The following KIR3DL3 variants were observed in gnomAD, a reference collection of about 807,000 sequenced individuals.
The protein encoded by KIR3DL3 is killer cell immunoglobulin-like receptor 3DL3.
A neutral mutation model predicts 34.9 loss-of-function variants in KIR3DL3; 27 were observed. That is an observed-to-expected ratio of 0.77 (90% CI 0.57 to 1.07). KIR3DL3 has a LOEUF of 1.07. Among genes scored for constraint, KIR3DL3 ranks in the 50% least tolerant of loss-of-function variants. The pLI is 0.00. For synonymous variants in KIR3DL3, 217 were observed against 200.2 expected (o/e 1.08, Z -0.71); for missense variants, 681 against 528.5 (o/e 1.29, Z -2.83).
intron 3 of KIR3DL3, among the ~76,000 whole-genome samples, chr19:54,726,680 A>G (rs1313173405): frequency 6.8e-6 from 1 of 146,306 alleles, no homozygotes; most frequent in Non-Finnish European, 1.5e-5. Context: ...AGGAGGAGGA[A>G]GAGGAAAGTG....
chr19:54,727,931 C>T (rs755151852), intron 4 of KIR3DL3, 21 bp downstream of exon 4: 734 of 1,586,028 alleles, frequency 4.6e-4, no homozygotes, highest in Non-Finnish European at 5.7e-4. Context: ...ACAGACCTGC[C>T]TCTCACCCTT....
At chr19:54,729,124 T>C (rs1453551877) in intron 4 of KIR3DL3, among the ~76,000 whole-genome samples, 2 of 148,274 alleles carry the variant, frequency 1.3e-5, no homozygotes, top group African/African-American at 4.9e-5. Flanking sequence ...GATACATACA[T>C]AGATAAATGA....
Position 54,727,790 on chromosome 19 carries a change from A to T in KIR3DL3, c.535A>T (p.Asn179Tyr). 6.2e-7 allele frequency: 1 copy of T among 1,613,730 alleles called. No individual in the cohort carries two copies. Among genetic ancestry groups the T allele is most frequent in the Non-Finnish European group, 8.5e-7 (1 of 1,179,932 alleles). Residue 179 changes from asparagine (N) to tyrosine (Y), a missense_variant, in exon 4 of 8, where the codon AAC (asparagine) becomes TAC (tyrosine). Asn to Tyr is a moderately radical substitution (Grantham distance 143, BLOSUM62 -2). Transcript: ENST00000291860. The stretch of plus-strand genomic sequence containing the variant: ...GCTCCACGATGCGGGTTCCCAGGTC[A>T]ACTATTCCATGGGTCCCATGACACC... ...GQLHDAGSQVNYSMGPMTPAL... is the reference protein window; with the variant it reads ...GQLHDAGSQVYYSMGPMTPAL...
chr19:54,725,930 G>A (rs367720577), intron 2 of KIR3DL3, 123 bp from the exon 3 acceptor site: 1 of 905,364 alleles, frequency 1.1e-6, no homozygotes. Flanking sequence ...CCTTCCTGTA[G>A]CCCTGGGCAC....
chr19:54,725,271 GGC>G lies in KIR3DL3; in HGVS notation c.60_61del (p.Trp20CysfsTer21), dbSNP rs1167630054. 4.8e-5 allele frequency: 76 copies of G among 1,592,210 alleles called. No homozygotes were observed. The highest frequency in any genetic ancestry group is 6.3e-5 in the Non-Finnish European group (74 of 1,167,956). ...GGGTTCTTCTTGCTGGAGGGGCCCT[GGC>G]CACATGTGGGTGAGTCCTTCCCCCA... On this transcript the variant is annotated frameshift_variant, in exon 2 of 8. Transcript: ENST00000291860. LOFTEE classifies it high-confidence loss of function.
chr19:54,726,920 T>C (rs2068245912), intron 3 of KIR3DL3, among the ~76,000 whole-genome samples: 1 of 125,078 alleles, frequency 8.0e-6, no homozygotes, highest in Non-Finnish European at 1.7e-5. Context: ...GGTCATTGTA[T>C]TCTCTCCTGC....
chr19:54,732,067 G>A (rs2068856069), intron 5 of KIR3DL3, among the ~76,000 whole-genome samples: 1 of 152,172 alleles, frequency 6.6e-6, no homozygotes, highest in Admixed American at 6.5e-5. Context: ...GGGTGGGGCA[G>A]CATTCTCCTG....
intron 3 of KIR3DL3, among the ~76,000 whole-genome samples, chr19:54,727,103 T>C (rs1168395829): frequency 7.3e-6 from 1 of 137,536 alleles, no homozygotes; most frequent in Non-Finnish European, 1.6e-5. Context: ...TTGATGCTCC[T>C]GGAACCAGCA....
chr19:54,733,430 G>A (rs1325407224), intron 5 of KIR3DL3, among the ~76,000 whole-genome samples: 1 of 152,188 alleles, frequency 6.6e-6, no homozygotes, highest in Non-Finnish European at 1.5e-5. Context: ...GACTGGGGAG[G>A]CTGAAGCAGA....
intron 5 of KIR3DL3, among the ~76,000 whole-genome samples, chr19:54,733,344 C>T (rs1308778213): frequency 2.0e-5 from 3 of 152,006 alleles, no homozygotes; most frequent in African/African-American, 7.3e-5. Flanking sequence ...CCAGCCTGGC[C>T]AACATGGTGA....
Position 54,726,143 on chromosome 19 carries a change from G to A in KIR3DL3, c.161G>A (p.Gly54Glu). The A allele has an allele frequency of 6.2e-7, 1 of 1,613,016 alleles. No individual in the cohort carries two copies. The highest frequency in any genetic ancestry group is 1.7e-5 in the Admixed American group (1 of 59,860). Residue 54 changes from glycine to glutamate, a missense_variant, in exon 3 of 8, where the codon GGG becomes GAG. By Grantham distance (98) the Gly-to-Glu change is moderately conservative. Transcript: ENST00000291860. ...ACTCTTCAGTGTCGCTCTCGTCTTG[G>A]GTTTAATGAATTCAGTCTGTCCAAA... ...HVTLQCRSRL[G>E]FNEFSLSKED... is the part of the protein sequence containing the mutation.
At chr19:54,730,463 A>G (rs1262064367) in intron 5 of KIR3DL3, among the ~76,000 whole-genome samples, 1 of 150,536 alleles carries the variant, frequency 6.6e-6, no homozygotes, top group East Asian at 2.0e-4. Flanking sequence ...AGTCCCAGCT[A>G]CTTGGTAGGG....
chr19:54,726,980 A>G (rs2068252750), intron 3 of KIR3DL3, among the ~76,000 whole-genome samples: 1 of 123,496 alleles, frequency 8.1e-6, no homozygotes, highest in Non-Finnish European at 1.7e-5. Context: ...CCAACACAGG[A>G]ACCCAGGTGA....
At chr19:54,729,156 GA>G (rs2068520784) in intron 4 of KIR3DL3, among the ~76,000 whole-genome samples, 21 of 148,104 alleles carry the variant, frequency 1.4e-4, no homozygotes, top group Admixed American at 5.5e-4. Flanking sequence ...ATAGATAATA[GA>G]TAGAAATATG....
At chr19:54,731,370 C>T (rs113137716) in intron 5 of KIR3DL3, among the ~76,000 whole-genome samples, 10 of 151,130 alleles carry the variant, frequency 6.6e-5, no homozygotes, top group African/African-American at 2.2e-4. Context: ...AATTTACATT[C>T]GTATCAGCAG....
Position 54,736,002 on chromosome 19 carries a change from C to T in KIR3DL3, c.1139C>T (p.Thr380Ile), listed in dbSNP as rs1568874412. Residue 380 changes from threonine to isoleucine, a missense_variant, in exon 8 of 8, where the codon ACA becomes ATA. Physicochemically the swap from Thr to Ile is moderately conservative, Grantham distance 89. Transcript: ENST00000291860. ...DSDEQDPQEV[T>I]YAQLNHCVFT... ...GATGAACAAGACCCTCAGGAGGTGA[C>T]ATACGCACAGTTGAATCACTGCGTT... The T allele has an allele frequency of 6.2e-7, 1 of 1,613,640 alleles. No homozygotes were observed. The highest frequency in any genetic ancestry group is 8.5e-7 in the Non-Finnish European group (1 of 1,179,984).
At position 54,725,293 on chromosome 19, in the gene KIR3DL3, C is replaced by A; in HGVS notation, c.70+11C>A. 1 of 1,560,014 alleles carries A rather than the reference C, an allele frequency of 6.4e-7. No individual in the cohort carries two copies. Among genetic ancestry groups the A allele is most frequent in the Non-Finnish European group, 8.7e-7 (1 of 1,152,384 alleles). ...CCTGGCCACATGTGGGTGAGTCCTT[C>A]CCCCAAACCTTAGGTTGTCATCTCC... is the stretch of plus-strand genomic sequence containing the variant. On this transcript the variant is annotated intron_variant, in intron 2 of 7. Transcript: ENST00000291860.
chr19:54,735,013 G>A (rs1290351640), intron 5 of KIR3DL3, among the ~76,000 whole-genome samples: 1 of 141,826 alleles, frequency 7.1e-6, no homozygotes, highest in African/African-American at 2.7e-5. Context: ...CCCACTCTGG[G>A]GGTTACATTT....
At chr19:54,732,254 TTTTC>T (rs2068892251) in intron 5 of KIR3DL3, among the ~76,000 whole-genome samples, 1 of 73,100 alleles carries the variant, frequency 1.4e-5, no homozygotes, top group African/African-American at 4.2e-5. Flanking sequence ...GTGTTTTTTG[TTTTC>T]TTTTTTTTTT....
Sources: allele counts gnomAD v4.1 joint callset (sites outside exome capture counted in the v4.1 genomes callset), GRCh38; gene constraint gnomAD v4.1.1; transcripts MANE v1.5; gene names NCBI Gene and HGNC (gene_info 2026-07-23, HGNC 2026-07-21).